HSPA12A: variants seen among roughly 807,000 people sequenced by gnomAD.
HSPA12A encodes the protein heat shock protein family A (Hsp70) member 12A, also known as heat shock 70 kDa protein 12A.
HSPA12A carries 28 observed loss-of-function variants against 69.2 expected under a neutral mutation model. That is an observed-to-expected ratio of 0.40 (90% CI 0.30 to 0.55). The LOEUF is 0.55. Ranked by LOEUF, HSPA12A falls within the 20% of genes least tolerant of loss-of-function variation. The probability of loss-of-function intolerance (pLI) is 0.38; values close to 1 mark genes in which losing one functional copy is unlikely to be tolerated. For missense variants in HSPA12A, 686 were observed against 900.7 expected (o/e 0.76, Z 3.05); for synonymous variants, 345 against 370.5 (o/e 0.93, Z 0.79).
upstream of HSPA12A, chr10:116,850,246 C>A: frequency 1.0e-5 from 2 of 196,666 alleles, no homozygotes; most frequent in South Asian, 7.7e-5. Flanking sequence ...TGACCAGCCC[C>A]GCCCTAAACT....
chr10:116,732,328 C>CA (rs1554885908), intron 1 of HSPA12A, among the ~76,000 whole-genome samples: 1 of 124,076 alleles, frequency 8.1e-6, no homozygotes. Flanking sequence ...TCAAAAAAAA[C>CA]AAAGAAAGAA....
intron 1 of HSPA12A, among the ~76,000 whole-genome samples, chr10:116,728,030 G>A (rs940031555): frequency 1.3e-5 from 2 of 151,118 alleles, no homozygotes; most frequent in South Asian, 4.2e-4. Context: ...GGCTGGTCTC[G>A]AACTCCTGAC....
chr10:116,840,988 C>G (rs1254451921), intron 1 of HSPA12A, among the ~76,000 whole-genome samples: 1 of 152,148 alleles, frequency 6.6e-6, no homozygotes, highest in African/African-American at 2.4e-5. Context: ...TAGAGTGAAG[C>G]CTGAGTTACT....
intron 2 of HSPA12A, among the ~76,000 whole-genome samples, chr10:116,792,340 C>T (rs140084210): frequency 3.1e-4 from 46 of 149,196 alleles, no homozygotes; most frequent in Admixed American, 1.1e-3. Context: ...ACAAAGAGTT[C>T]GGAGTGAGAG....
rs1491543649 is a variant in HSPA12A, at chr10:116,707,149, G to GCACACACA, written c.126+50_126+51insTGTGTGTG. 6 of 446,534 alleles carry GCACACACA rather than the reference G, an allele frequency of 1.3e-5. No individual in the cohort carries two copies. The African/African-American group carries it at 1.6e-4, about 12-fold the overall frequency. The allele number at this position is 446,534 out of a possible 1,614,324, so 27.7% of individuals were successfully genotyped here. On this transcript the variant is annotated intron_variant, in intron 2 of 11. Coordinates refer to ENST00000369209, the MANE Select transcript of HSPA12A (RefSeq NM_025015.3). ...CGCACGTGTGCTCATGCGCACCCAT[G>GCACACACA]CGCGCACACACACACACACACACAC...
At chr10:116,690,365 C>A (rs1236995849) in intron 6 of HSPA12A, among the ~76,000 whole-genome samples, 1 of 152,146 alleles carries the variant, frequency 6.6e-6, no homozygotes, top group Non-Finnish European at 1.5e-5. Flanking sequence ...GAGAGATAGG[C>A]CTCTAGTTTA....
At position 116,679,780 on chromosome 10, in the gene HSPA12A, G is replaced by T. The variant is rs1554878325; in HGVS notation, c.1028-19C>A. ...GGTCCGCCTGAATTGAGAACAAAAA[G>T]GGAGGCCATGGTGTTAAAAACCATT... On this transcript the variant is annotated intron_variant, in intron 9 of 11. Coordinates refer to ENST00000369209, the MANE Select transcript of HSPA12A (RefSeq NM_025015.3). 1 of 1,608,950 alleles carries T rather than the reference G, an allele frequency of 6.2e-7. No homozygotes were observed. The highest frequency in any genetic ancestry group is 1.7e-5 in the Admixed American group (1 of 59,576).
rs1483783779 is a variant in HSPA12A at position 116,671,441 on chromosome 10, T to C, written c.*3340A>G. The C allele has an allele frequency of 2.0e-5, 3 of 152,274 alleles. No individual in the cohort carries two copies. The highest frequency in any genetic ancestry group is 4.4e-5 in the Non-Finnish European group (3 of 68,040). 9.4% of individuals were successfully genotyped at this position (152,274 alleles called of 1,614,324 possible). Reference sequence around the variant, plus strand: ...CGTTTCCCAGCATACATATGCAGCTTAATCACAGCTATACATCTCTACAAT... The same window carrying C: ...CGTTTCCCAGCATACATATGCAGCTCAATCACAGCTATACATCTCTACAAT... On this transcript the variant is annotated 3_prime_UTR_variant, in exon 12 of 12. Coordinates refer to ENST00000369209, the MANE Select transcript of HSPA12A (RefSeq NM_025015.3).
intron 2 of HSPA12A, among the ~76,000 whole-genome samples, chr10:116,777,691 A>G (rs1463381692): frequency 1.3e-5 from 2 of 152,256 alleles, no homozygotes; most frequent in African/African-American, 4.8e-5. Context: ...TGCATCGACA[A>G]TAGTCAGATC....
At position 116,698,755 on chromosome 10, in the gene HSPA12A, G is replaced by A. The variant is rs1554881231; in HGVS notation, c.442-16C>T. The A allele has an allele frequency of 6.3e-7, 1 of 1,587,294 alleles. No homozygotes were observed. Among genetic ancestry groups the A allele is most frequent in the South Asian group, 1.1e-5 (1 of 90,406 alleles). On this transcript the variant is annotated splice_polypyrimidine_tract_variant and intron_variant, in intron 4 of 11. Coordinates refer to ENST00000369209, the MANE Select transcript of HSPA12A (RefSeq NM_025015.3). ...TGGTGAGGTCCTGGTAGGAGGAAGA[G>A]GAACAATAGTAAGAAGATGACACAG...
chr10:116,782,580 G>A (rs1844487018), intron 2 of HSPA12A, among the ~76,000 whole-genome samples: 1 of 152,142 alleles, frequency 6.6e-6, no homozygotes, highest in South Asian at 2.1e-4. Flanking sequence ...GTAATGTGGA[G>A]CAAAAGAAAA....
At chr10:116,735,376 T>C (rs1340418329) in intron 1 of HSPA12A, among the ~76,000 whole-genome samples, 1 of 152,250 alleles carries the variant, frequency 6.6e-6, no homozygotes, top group Non-Finnish European at 1.5e-5. Context: ...CAAGACTTGC[T>C]GTGACCACCA....
intron 2 of HSPA12A, among the ~76,000 whole-genome samples, chr10:116,820,167 G>C (rs971897145): frequency 1.3e-5 from 2 of 152,110 alleles, no homozygotes; most frequent in African/African-American, 4.8e-5. Flanking sequence ...TACTGAGTCA[G>C]TACCATTAGA....
At chr10:116,825,186 CAA>C (rs34479568) in intron 2 of HSPA12A, among the ~76,000 whole-genome samples, 7 of 124,968 alleles carry the variant, frequency 5.6e-5, no homozygotes, top group Admixed American at 8.2e-5. Context: ...GACCTTGTCT[CAA>C]AAAAAAAAAA....
At chr10:116,797,356 G>A (rs1163047804) in intron 2 of HSPA12A, among the ~76,000 whole-genome samples, 1 of 152,168 alleles carries the variant, frequency 6.6e-6, no homozygotes, top group Non-Finnish European at 1.5e-5. Context: ...GTCTGACTAG[G>A]GGGTGGCAGA....
At chr10:116,799,388 C>A (rs1335520387) in intron 2 of HSPA12A, among the ~76,000 whole-genome samples, 1 of 152,228 alleles carries the variant, frequency 6.6e-6, no homozygotes, top group Non-Finnish European at 1.5e-5. Context: ...CGTGTCAATA[C>A]TGCATTTGGA....
intron 6 of HSPA12A, among the ~76,000 whole-genome samples, chr10:116,685,527 C>G (rs188699306): frequency 6.6e-6 from 1 of 150,730 alleles, no homozygotes; most frequent in East Asian, 1.9e-4. Context: ...CCCAGCTACT[C>G]GGGAGGCTGA....
chr10:116,691,701 C>T lies in HSPA12A; in HGVS notation c.663+650G>A, dbSNP rs548057415. Among the ~76,000 whole-genome samples, 9 of 152,350 alleles carry T rather than the reference C, an allele frequency of 5.9e-5. No homozygotes were observed. In the East Asian group the frequency reaches 1.7e-3, roughly 29 times the overall value. ...CTGGAAGCCAGATCCTCACAGCAGC[C>T]GCCCCTAGTGCCCACAGGGATGGGC... On this transcript the variant is annotated intron_variant, in intron 6 of 11. Transcript: ENST00000369209.
intron 1 of HSPA12A, among the ~76,000 whole-genome samples, chr10:116,848,068 A>G (rs1023552): frequency 0.32 from 48,940 of 152,146 alleles, 8,018 homozygotes; most frequent in East Asian, 0.42. Context: ...CAAAAAGGTG[A>G]AATGGAAACA....
Sources: allele counts gnomAD v4.1 joint callset (sites outside exome capture counted in the v4.1 genomes callset), GRCh38; gene constraint gnomAD v4.1.1; transcripts MANE v1.5; gene names NCBI Gene and HGNC (gene_info 2026-07-23, HGNC 2026-07-21).